Variants in MCPH1 observed in about 807,000 individuals in gnomAD.
The protein encoded by MCPH1 is microcephalin 1, also known as microcephalin.
In MCPH1, 104 loss-of-function variants were observed where a neutral mutation model predicts 84.5. The observed-to-expected ratio is 1.23, with a 90% CI of 1.05 to 1.45. The LOEUF (loss-of-function observed/expected upper bound fraction) is 1.45. Among genes scored for constraint, MCPH1 ranks in the 40% most tolerant of loss-of-function variants. The probability of loss-of-function intolerance (pLI) is 0.00; values close to 1 mark genes in which losing one functional copy is unlikely to be tolerated. For synonymous variants in MCPH1, 514 were observed against 366.8 expected, an observed-to-expected ratio of 1.40 and a Z score of -4.58; for missense variants, 1,498 against 1,005.7, an observed-to-expected ratio of 1.49 and a Z score of -6.62.
Position 6,546,883 on chromosome 8 carries a change from C to T in MCPH1, c.2214+46954C>T, listed in dbSNP as rs116428994. 4.5e-3 allele frequency among the ~76,000 whole-genome samples: 687 copies of T among 152,290 alleles called. 7 individuals carry two copies. The highest frequency in any genetic ancestry group is 0.015 in the African/African-American group (630 of 41,552). On this transcript the variant is annotated intron_variant, in intron 12 of 13. Transcript: ENST00000344683. ...GAACTAATAAATTGTGTAAGACCTT[C>T]ATTAAGATGTACCCTTCCGTGTTTT...
At chr8:6,614,426 A>G (rs889134447) in intron 12 of MCPH1, among the ~76,000 whole-genome samples, 20 of 152,288 alleles carry the variant, frequency 1.3e-4, no homozygotes, top group African/African-American at 4.6e-4. Context: ...AACTTAATCA[A>G]ATCTTACCAC....
chr8:6,603,817 G>T (rs1232897002), intron 12 of MCPH1, among the ~76,000 whole-genome samples: 2 of 152,154 alleles, frequency 1.3e-5, no homozygotes, highest in Admixed American at 6.5e-5. Flanking sequence ...TCAATACTCT[G>T]TATGCTACAA....
intron 12 of MCPH1, among the ~76,000 whole-genome samples, chr8:6,540,322 C>T (rs556685606): frequency 2.6e-5 from 4 of 152,252 alleles, no homozygotes; most frequent in South Asian, 2.1e-4. Context: ...TTATTTTCTA[C>T]TGATAAAGTG....
chr8:6,434,686 T>C (rs1019434808), intron 4 of MCPH1, among the ~76,000 whole-genome samples: 2 of 152,218 alleles, frequency 1.3e-5, no homozygotes, highest in African/African-American at 4.8e-5. Context: ...ATCCCCAGTA[T>C]AGGCATTAGC....
At chr8:6,429,502 G>T (rs915236065) in intron 3 of MCPH1, among the ~76,000 whole-genome samples, 1 of 151,062 alleles carries the variant, frequency 6.6e-6, no homozygotes. Flanking sequence ...CTCCTCCCCC[G>T]CCCCAGCTGC....
intron 3 of MCPH1, among the ~76,000 whole-genome samples, chr8:6,424,235 T>G (rs1254116726): frequency 6.6e-6 from 1 of 152,248 alleles, no homozygotes; most frequent in South Asian, 2.1e-4. Flanking sequence ...AAGGTCAGCT[T>G]GGCCCCCACT....
At chr8:6,548,006 T>C (rs1822920261) in intron 12 of MCPH1, among the ~76,000 whole-genome samples, 1 of 152,072 alleles carries the variant, frequency 6.6e-6, no homozygotes, top group Admixed American at 6.6e-5. Context: ...CCCTCAGTTG[T>C]AGAAATTTAG....
chr8:6,489,146 A>G (rs946779584), intron 11 of MCPH1, among the ~76,000 whole-genome samples: 2 of 152,208 alleles, frequency 1.3e-5, no homozygotes, highest in Non-Finnish European at 2.9e-5. Flanking sequence ...TGGACATTCA[A>G]ATAGAGATAC....
At chr8:6,527,722 T>C in intron 12 of MCPH1, 1 of 1,517,234 alleles carries the variant, frequency 6.6e-7, no homozygotes, top group Non-Finnish European at 8.9e-7. Flanking sequence ...TTTTAATTAG[T>C]TTAACTTTCT....
intron 1 of MCPH1, among the ~76,000 whole-genome samples, chr8:6,409,034 G>A (rs1268627339): frequency 2.6e-5 from 4 of 151,926 alleles, no homozygotes; most frequent in Non-Finnish European, 5.9e-5. Flanking sequence ...ACAGGTGCCC[G>A]CCACCATGCT....
intron 12 of MCPH1, among the ~76,000 whole-genome samples, chr8:6,585,676 T>C (rs1403440146): frequency 6.6e-6 from 1 of 152,254 alleles, no homozygotes; most frequent in East Asian, 1.9e-4. Context: ...CTCAATTAAA[T>C]ATCCTTCCTT....
chr8:6,635,755 T>G (rs1490450722), intron 13 of MCPH1, among the ~76,000 whole-genome samples: 1 of 152,132 alleles, frequency 6.6e-6, no homozygotes, highest in African/African-American at 2.4e-5. Flanking sequence ...AGGACCCACT[T>G]CCTGGGCCTG....
chr8:6,416,351 A>G (rs941974265), intron 3 of MCPH1, among the ~76,000 whole-genome samples: 3 of 152,186 alleles, frequency 2.0e-5, no homozygotes, highest in African/African-American at 7.2e-5. Context: ...ACACTGTTGA[A>G]TAGAAGTGGT....
intron 13 of MCPH1, among the ~76,000 whole-genome samples, chr8:6,629,365 G>A (rs983176874): frequency 6.6e-6 from 1 of 152,202 alleles, no homozygotes; most frequent in Admixed American, 6.5e-5. Context: ...GGGAGGCTGA[G>A]GCAGGAGAAT....
chr8:6,520,119 A>G, intron 12 of MCPH1: 1 of 1,022,778 alleles, frequency 9.8e-7, no homozygotes, highest in African/African-American at 1.6e-5. Context: ...AGGCTGTACC[A>G]CTTTTTTAAC....
At chr8:6,636,582 C>A (rs1307132422) in intron 13 of MCPH1, among the ~76,000 whole-genome samples, 1 of 152,146 alleles carries the variant, frequency 6.6e-6, no homozygotes, top group East Asian at 1.9e-4. Context: ...TGGCCTCAAG[C>A]GATCTTCCCA....
chr8:6,438,802 T>A, intron 5 of MCPH1, 151 bp from the exon 6 acceptor site: 2 of 663,070 alleles, frequency 3.0e-6, no homozygotes, highest in Non-Finnish European at 5.3e-6. Flanking sequence ...CCTGTGGAGG[T>A]GGTGGAGGTA....
rs948373137 is a variant in MCPH1, at chr8:6,626,336, C to T, written c.2452+4645C>T. On this transcript the variant is annotated intron_variant, in intron 13 of 13. Transcript: ENST00000344683. ...CCGCGTTGCCTAATAACGGGGTTATCGGAAAGGGCATGATTACGTTCCCTC... is the reference window on the plus strand; with the variant it reads ...CCGCGTTGCCTAATAACGGGGTTATTGGAAAGGGCATGATTACGTTCCCTC... The T allele has an allele frequency of 1.5e-5, 15 of 985,142 alleles. No individual in the cohort carries two copies. In the Admixed American group the frequency reaches 2.5e-4, roughly 16 times the overall value. 61.0% of individuals were successfully genotyped at this position (985,142 alleles called of 1,614,324 possible).
chr8:6,536,394 T>C (rs934827948), intron 12 of MCPH1, among the ~76,000 whole-genome samples: 2 of 96,000 alleles, frequency 2.1e-5, no homozygotes, highest in African/African-American at 8.0e-5. Context: ...TTCATACTTT[T>C]CCAGCCTTTT....
Sources: gnomAD v4.1 joint callset for allele counts (sites outside exome capture counted in the v4.1 genomes callset) on GRCh38, gnomAD v4.1.1 for gene constraint, MANE v1.5 for transcripts, NCBI Gene and HGNC (gene_info 2026-07-23, HGNC 2026-07-21) for gene names.